The following TRAK1 variants were observed in gnomAD, a reference collection of about 807,000 sequenced individuals.
TRAK1 encodes the protein trafficking kinesin protein 1.
Under a neutral mutation model 92.1 loss-of-function variants are expected in TRAK1, and 33 were observed. The ratio of observed to expected loss-of-function variants is 0.36; its 90% CI spans 0.27 to 0.48. TRAK1 has a LOEUF of 0.48. TRAK1 is among the 20% of genes least tolerant of loss of function. The probability of loss-of-function intolerance (pLI) is 0.99; values close to 1 mark genes in which losing one functional copy is unlikely to be tolerated. For missense variants in TRAK1, 1,123 were observed against 1,257.9 expected (o/e 0.89, Z 1.62); for synonymous variants, 521 against 517.3 (o/e 1.01, Z -0.10).
In TRAK1 at chr3:42,173,132, C is replaced by T. The variant is rs146161063; in HGVS notation, c.287-3682C>T. On this transcript the variant is annotated intron_variant, in intron 2 of 15. Coordinates refer to ENST00000327628, the MANE Select transcript of TRAK1 (RefSeq NM_001042646.3). ...TGGTACTCCAGCCTGGGCGACAGAG[C>T]GAGACTCTGTCTCTAACAAAAGAAA... Among the ~76,000 whole-genome samples, 15 of 152,098 alleles carry T rather than the reference C, an allele frequency of 9.9e-5. No homozygotes were observed. In the East Asian group the frequency reaches 1.9e-3, roughly 20 times the overall value.
intron 4 of TRAK1, among the ~76,000 whole-genome samples, chr3:42,185,818 C>T (rs187885858): frequency 0.017 from 2,601 of 150,522 alleles, 81 homozygotes; most frequent in African/African-American, 0.061. Context: ...ATTACAGGTG[C>T]CTGCCACCAC....
intron 1 of TRAK1, among the ~76,000 whole-genome samples, chr3:42,103,611 A>C (rs1707112964): frequency 6.6e-6 from 1 of 152,148 alleles, no homozygotes; most frequent in African/African-American, 2.4e-5. Flanking sequence ...TACACTTAAC[A>C]GACATTTTAT....
chr3:42,103,978 C>A (rs555766646), intron 1 of TRAK1, among the ~76,000 whole-genome samples: 1 of 152,064 alleles, frequency 6.6e-6, no homozygotes, highest in Non-Finnish European at 1.5e-5. Flanking sequence ...CCTAATACTG[C>A]GCTTTTCCAA....
Position 42,153,265 on chromosome 3 carries a change from G to A in TRAK1, c.287-23549G>A, listed in dbSNP as rs115391749. On this transcript the variant is annotated intron_variant, in intron 2 of 15. Transcript: ENST00000327628. Reference sequence around the variant, plus strand: ...CAAAAAATAAAAACATTAGCTGAATGTGGTGGCATGCGCCTATAGTCCCAG... The same window carrying A: ...CAAAAAATAAAAACATTAGCTGAATATGGTGGCATGCGCCTATAGTCCCAG... Among the ~76,000 whole-genome samples the A allele has an allele frequency of 6.0e-3, 908 of 152,166 alleles. 7 individuals carry two copies. Among genetic ancestry groups the A allele is most frequent in the African/African-American group, 0.021 (856 of 41,498 alleles).
At chr3:42,221,327 G>A (rs949046703) in intron 15 of TRAK1, among the ~76,000 whole-genome samples, 6 of 151,902 alleles carry the variant, frequency 3.9e-5, no homozygotes, top group East Asian at 1.9e-4. Flanking sequence ...ATGCTTTTCC[G>A]AGTCCCCCAG....
intron 9 of TRAK1, 84 bp from the exon 10 acceptor site, chr3:42,194,720 G>A (rs1002954346): frequency 6.6e-7 from 1 of 1,523,446 alleles, no homozygotes; most frequent in East Asian, 2.3e-5. Flanking sequence ...AGATTGCTGT[G>A]TCTTTCTGGC....
intron 1 of TRAK1, among the ~76,000 whole-genome samples, chr3:42,053,374 G>GT (rs1491112940): frequency 0.024 from 3,087 of 126,294 alleles, 212 homozygotes; most frequent in African/African-American, 0.11. Flanking sequence ...TCAGAGTCGG[G>GT]TGGGGGGGGG....
chr3:42,053,985 T>C (rs1195066661), intron 1 of TRAK1, among the ~76,000 whole-genome samples: 2 of 152,160 alleles, frequency 1.3e-5, no homozygotes, highest in Non-Finnish European at 2.9e-5. Context: ...ACTCTGACTC[T>C]CCCTGAATCT....
chr3:42,102,064 C>T (rs899091187), intron 1 of TRAK1, among the ~76,000 whole-genome samples: 15 of 152,248 alleles, frequency 9.9e-5, no homozygotes, highest in Non-Finnish European at 1.5e-4. Flanking sequence ...CAGCTCACTG[C>T]AACTTCCGCC....
chr3:42,172,472 AG>A (rs1702690484), intron 2 of TRAK1, among the ~76,000 whole-genome samples: 2 of 152,180 alleles, frequency 1.3e-5, no homozygotes, highest in African/African-American at 4.8e-5. Context: ...TTAATCCAAC[AG>A]CCTCAATGCT....
intron 1 of TRAK1, among the ~76,000 whole-genome samples, chr3:42,099,500 G>A (rs1282852037): frequency 6.6e-6 from 1 of 152,150 alleles, no homozygotes; most frequent in African/African-American, 2.4e-5. Context: ...ACGTTTGCGT[G>A]GTACGAACTG....
chr3:42,102,953 A>G (rs1424234877), intron 1 of TRAK1, among the ~76,000 whole-genome samples: 2 of 152,118 alleles, frequency 1.3e-5, no homozygotes, highest in African/African-American at 4.8e-5. Flanking sequence ...TTTTCTTGTA[A>G]CAGCTTCATT....
Position 42,043,618 on chromosome 3 carries a change from G to C in TRAK1, c.-519+29501G>C, listed in dbSNP as rs182329658. On this transcript the variant is annotated intron_variant, in intron 1 of 16. Coordinates refer to the TRAK1 transcript ENST00000487159. ...TGTCTTGTTTTCTCCATGGAGCTGGGGGGGGGGCGGGGGGAGTAAAGGGGA... is the reference window on the plus strand; with the variant it reads ...TGTCTTGTTTTCTCCATGGAGCTGGCGGGGGGGCGGGGGGAGTAAAGGGGA... Among the ~76,000 whole-genome samples the C allele has an allele frequency of 5.0e-4, 73 of 144,708 alleles. 1 individual carries two copies. Among genetic ancestry groups the C allele is most frequent in the East Asian group, 3.5e-3 (16 of 4,586 alleles). 94.9% of individuals were successfully genotyped at this position (144,708 alleles called of 152,430 possible). A position where few individuals can be genotyped will look rare whatever the true frequency, so the allele number is the denominator to read the frequency against.
At chr3:42,165,766 T>C (rs534920734) in intron 2 of TRAK1, among the ~76,000 whole-genome samples, 1 of 152,240 alleles carries the variant, frequency 6.6e-6, no homozygotes, top group East Asian at 1.9e-4. Context: ...TACAAAGGTC[T>C]CTTGGTTCAT....
At position 42,145,905 on chromosome 3, in the gene TRAK1, A is replaced by G. The variant is rs112956196; in HGVS notation, c.286+20291A>G. 1,303 of 242,856 alleles carry G rather than the reference A, an allele frequency of 5.4e-3. 13 individuals are homozygous for G. Among genetic ancestry groups the G allele is most frequent in the African/African-American group, 0.028 (1,181 of 42,848 alleles). 15.0% of individuals were successfully genotyped at this position (242,856 alleles called of 1,614,324 possible). A position where few individuals can be genotyped will look rare whatever the true frequency, so the allele number is the denominator to read the frequency against. ...ATCTGCATAGTGTTTGAAATCTCCT[A>G]GATTAATGGCAGCCAGTGCTCCTCT... is the stretch of plus-strand genomic sequence containing the variant. On this transcript the variant is annotated intron_variant, in intron 2 of 15. Transcript: ENST00000327628.
chr3:42,056,429 T>C (rs1353511753), intron 1 of TRAK1, among the ~76,000 whole-genome samples: 1 of 152,226 alleles, frequency 6.6e-6, no homozygotes. Flanking sequence ...ATTTTCCTGA[T>C]GGTTAATGAT....
At chr3:42,022,535 A>C (rs1701757338) in intron 1 of TRAK1, among the ~76,000 whole-genome samples, 1 of 151,940 alleles carries the variant, frequency 6.6e-6, no homozygotes, top group Non-Finnish European at 1.5e-5. Flanking sequence ...CAGCCTGGGC[A>C]ATATGGTGAA....
chr3:42,025,178 T>A (rs1160790329), intron 1 of TRAK1, among the ~76,000 whole-genome samples: 1 of 152,184 alleles, frequency 6.6e-6, no homozygotes, highest in Non-Finnish European at 1.5e-5. Flanking sequence ...CTTGGTTTCC[T>A]CCTAGCAATA....
chr3:42,214,233 CT>C (rs959536494), intron 14 of TRAK1, among the ~76,000 whole-genome samples: 8 of 152,154 alleles, frequency 5.3e-5, no homozygotes, highest in Non-Finnish European at 8.8e-5. Flanking sequence ...GTGGAGGGCC[CT>C]TGAGGGAGCA....
Sources: gnomAD v4.1 joint callset for allele counts (sites outside exome capture counted in the v4.1 genomes callset) on GRCh38, gnomAD v4.1.1 for gene constraint, MANE v1.5 for transcripts, NCBI Gene and HGNC (gene_info 2026-07-23, HGNC 2026-07-21) for gene names.